Variants in BCKDHB observed in about 807,000 individuals in gnomAD.
The protein encoded by BCKDHB is 2-oxoisovalerate dehydrogenase subunit beta, mitochondrial.
A neutral mutation model predicts 48.5 loss-of-function variants in BCKDHB; 41 were observed. That is an observed-to-expected ratio of 0.85 (90% CI 0.66 to 1.10). The LOEUF (loss-of-function observed/expected upper bound fraction) is 1.10. Ranked by LOEUF, BCKDHB falls within the 50% of genes least tolerant of loss-of-function variation. The pLI is 0.00. For missense variants in BCKDHB, 496 were observed against 494.2 expected, an observed-to-expected ratio of 1.00 and a Z score of -0.03; for synonymous variants, 201 against 174.8, an observed-to-expected ratio of 1.15 and a Z score of -1.18.
intron 8 of BCKDHB, among the ~76,000 whole-genome samples, chr6:80,232,776 A>G (rs1013157005): frequency 4.6e-5 from 7 of 150,756 alleles, no homozygotes; most frequent in African/African-American, 1.7e-4. Context: ...TAACATCTAT[A>G]TCTGTGTTAT....
chr6:80,378,535 C>T, the BCKDHB span, among the ~76,000 whole-genome samples: 2 of 151,962 alleles, frequency 1.3e-5, no homozygotes, highest in Non-Finnish European at 2.9e-5. Flanking sequence ...TGTCCACCAA[C>T]CCTTGGTAAT....
intron 8 of BCKDHB, among the ~76,000 whole-genome samples, chr6:80,234,306 A>G (rs1776055640): frequency 6.6e-6 from 1 of 152,208 alleles, no homozygotes; most frequent in Admixed American, 6.5e-5. Flanking sequence ...TAGTTTTAAA[A>G]GAAGATTGCG....
At chr6:80,139,937 C>T (rs1771104173) in intron 3 of BCKDHB, among the ~76,000 whole-genome samples, 1 of 152,182 alleles carries the variant, frequency 6.6e-6, no homozygotes, top group Non-Finnish European at 1.5e-5. Context: ...TATCCATGAG[C>T]ATGAAATGTT....
chr6:80,351,492 A>T, the BCKDHB span, among the ~76,000 whole-genome samples: 1 of 151,814 alleles, frequency 6.6e-6, no homozygotes, highest in African/African-American at 2.4e-5. Context: ...CCCTTTTTTC[A>T]GTGGTTAAAG....
chr6:80,359,976 G>A, the BCKDHB span, among the ~76,000 whole-genome samples: 3 of 152,162 alleles, frequency 2.0e-5, no homozygotes, highest in South Asian at 2.1e-4. Context: ...ATGTTGTTCA[G>A]TTGTCAGCTC....
At chr6:80,155,010 A>G (rs190154886) in intron 3 of BCKDHB, among the ~76,000 whole-genome samples, 20 of 152,278 alleles carry the variant, frequency 1.3e-4, no homozygotes, top group Middle Eastern at 3.4e-3. Flanking sequence ...TAATAGTGGA[A>G]CAGTGTTAAC....
the BCKDHB span, among the ~76,000 whole-genome samples, chr6:80,397,697 C>G: frequency 6.6e-6 from 1 of 152,158 alleles, no homozygotes; most frequent in African/African-American, 2.4e-5. Flanking sequence ...GCTTGTCCAA[C>G]ATGGTGTAAC....
At chr6:80,197,720 G>C (rs1012588868) in intron 6 of BCKDHB, among the ~76,000 whole-genome samples, 1 of 152,150 alleles carries the variant, frequency 6.6e-6, no homozygotes, top group South Asian at 2.1e-4. Context: ...TTGTCTACTG[G>C]CATTCAGATG....
chr6:80,168,900 G>C lies in BCKDHB; in HGVS notation c.503G>C (p.Arg168Pro), dbSNP rs749033513. Residue 168 changes from arginine to proline, a missense_variant, in exon 5 of 10, where the codon CGC (arginine) becomes CCC (proline). Arg to Pro is a moderately radical substitution (Grantham distance 103, BLOSUM62 -2). Coordinates refer to ENST00000320393, the MANE Select transcript of BCKDHB (RefSeq NM_183050.4). ...ATTGTTAATGAAGCTGCCAAGTATC[G>C]CTATCGCTCTGGGGATCTTTTTAAC... Reference protein sequence around the residue: ...DQIVNEAAKYRYRSGDLFNCG... With the variant: ...DQIVNEAAKYPYRSGDLFNCG... 1.9e-6 allele frequency: 3 copies of C among 1,613,956 alleles called. No homozygotes were observed. Among genetic ancestry groups the C allele is most frequent in the South Asian group, 1.1e-5 (1 of 91,078 alleles).
intron 5 of BCKDHB, chr6:80,169,868 C>T (rs768614019): frequency 1.2e-6 from 2 of 1,603,934 alleles, no homozygotes; most frequent in Admixed American, 1.7e-5. Flanking sequence ...TGAATGTGAG[C>T]TAGAAGTTGT....
At chr6:80,380,561 A>G in the BCKDHB span, among the ~76,000 whole-genome samples, 1 of 152,058 alleles carries the variant, frequency 6.6e-6, no homozygotes, top group Non-Finnish European at 1.5e-5. Context: ...AAGCACAAGC[A>G]ACAAAAGCAA....
At chr6:80,393,233 C>T in the BCKDHB span, among the ~76,000 whole-genome samples, 13,760 of 152,152 alleles carry the variant, frequency 0.09, 1,749 homozygotes, top group African/African-American at 0.28. Flanking sequence ...AATTCTCCCA[C>T]GGAAGATTAA....
chr6:80,230,539 T>G (rs1775884577), intron 8 of BCKDHB, among the ~76,000 whole-genome samples: 1 of 152,176 alleles, frequency 6.6e-6, no homozygotes, highest in East Asian at 1.9e-4. Flanking sequence ...AGCCAGATAG[T>G]AAATATTTTC....
Position 80,258,534 on chromosome 6 carries a change from G to A in BCKDHB, c.952-14601G>A, listed in dbSNP as rs766304635. On this transcript the variant is annotated intron_variant, in intron 8 of 9. Coordinates refer to ENST00000320393, the MANE Select transcript of BCKDHB (RefSeq NM_183050.4). ...AGCAAACACTGGGTCTGATGCATTG[G>A]GATTAAAGGTAAGGATCAGGGGAGC... 8.4e-4 allele frequency among the ~76,000 whole-genome samples: 128 copies of A among 152,210 alleles called. 1 individual carries two copies. Among genetic ancestry groups the A allele is most frequent in the Non-Finnish European group, 1.0e-3 (69 of 68,040 alleles).
intron 8 of BCKDHB, among the ~76,000 whole-genome samples, chr6:80,244,021 C>T (rs1024893121): frequency 2.6e-5 from 4 of 152,192 alleles, no homozygotes; most frequent in Admixed American, 6.5e-5. Flanking sequence ...TCTCAAAGTA[C>T]CTAAGACAAA....
intron 8 of BCKDHB, among the ~76,000 whole-genome samples, chr6:80,243,282 A>T (rs1473561560): frequency 6.6e-6 from 1 of 152,176 alleles, no homozygotes; most frequent in African/African-American, 2.4e-5. Context: ...AGGCTGGAAT[A>T]TCAGTGGAGA....
At chr6:80,346,325 G>A (rs577690487), downstream of BCKDHB, 1 of 152,176 alleles carries the variant, frequency 6.6e-6, no homozygotes, top group East Asian at 1.9e-4. Context: ...TTGTTTCAGA[G>A]TAATAGCTTG....
the BCKDHB span, among the ~76,000 whole-genome samples, chr6:80,386,739 C>A: frequency 6.6e-6 from 1 of 151,776 alleles, no homozygotes; most frequent in Non-Finnish European, 1.5e-5. Context: ...CATGGTGTTC[C>A]TAGAAGTGAA....
chr6:80,401,604 G>A, the BCKDHB span, among the ~76,000 whole-genome samples: 1 of 151,698 alleles, frequency 6.6e-6, no homozygotes, highest in South Asian at 2.1e-4. Context: ...TTATAGCAAT[G>A]TGAAAATGGA....
Sources: allele counts gnomAD v4.1 joint callset (sites outside exome capture counted in the v4.1 genomes callset), GRCh38; gene constraint gnomAD v4.1.1; transcripts MANE v1.5; gene names NCBI Gene and HGNC (gene_info 2026-07-23, HGNC 2026-07-21).